The following ABCA8 variants were observed in gnomAD, a reference collection of about 807,000 sequenced individuals.
ABCA8 encodes the protein ATP binding cassette subfamily A member 8, also known as ABC-type organic anion transporter ABCA8.
In ABCA8, 177 loss-of-function variants were observed where a neutral mutation model predicts 192.3. That is an observed-to-expected ratio of 0.92 (90% confidence interval 0.81 to 1.04). The LOEUF (loss-of-function observed/expected upper bound fraction) is 1.04, where lower values mean the gene tolerates loss of function less well. Ranked by LOEUF, ABCA8 falls within the 50% of genes least tolerant of loss-of-function variation. ABCA8 has a pLI of 0.00. For synonymous variants in ABCA8, 642 were observed against 690.2 expected, an observed-to-expected ratio of 0.93 and a Z score of 1.09; for missense variants, 1,915 against 1,904.8, an observed-to-expected ratio of 1.01 and a Z score of -0.10.
At chr17:68,918,661 C>T (rs957616687) in intron 14 of ABCA8, 115 bp from the exon 15 acceptor site, 23 of 1,093,988 alleles carry the variant, frequency 2.1e-5, no homozygotes, top group South Asian at 9.3e-5. Flanking sequence ...GGGTCAGGCG[C>T]GGTGGCTCAT....
chr17:68,928,130 A>G, intron 9 of ABCA8, 67 bp from the exon 10 acceptor site: 2 of 1,319,278 alleles, frequency 1.5e-6, no homozygotes, highest in Non-Finnish European at 2.1e-6. Context: ...AGTTAGGTTT[A>G]GCATAGTAAT....
intron 4 of ABCA8, among the ~76,000 whole-genome samples, chr17:68,937,482 T>C (rs1056357323): frequency 6.6e-6 from 1 of 152,186 alleles, no homozygotes; most frequent in Non-Finnish European, 1.5e-5. Flanking sequence ...AGGCACTGTT[T>C]TGTATCAGGT....
chr17:68,937,152 T>G, intron 4 of ABCA8, 37 bp from the exon 5 acceptor site: 25 of 1,525,258 alleles, frequency 1.6e-5, no homozygotes, highest in Non-Finnish European at 2.1e-5. Context: ...GTTAGTAAAT[T>G]ACTAGGAGAC....
rs140877769 is a variant in ABCA8 at position 68,924,733 on chromosome 17, C to T, written c.1410G>A (p.Ala470=). 179 of 1,613,732 alleles carry T rather than the reference C, an allele frequency of 1.1e-4. No homozygotes were observed. The highest frequency in any genetic ancestry group is 1.0e-3 in the East Asian group (47 of 44,860). ...CTTCTTTCCCTTGGAATTCTGGAGGCGCTTGTTCAAAAGAGTCATGAAATG... is the reference window on the plus strand; with the variant it reads ...CTTCTTTCCCTTGGAATTCTGGAGGTGCTTGTTCAAAAGAGTCATGAAATG... ...DPSFHDSFEQ[A]PPEFQGKEAI... Residue 470 remains alanine (A), a synonymous_variant, in exon 11 of 40, where the codon GCG becomes GCA. Coordinates refer to ENST00000586539, the MANE Select transcript of ABCA8 (RefSeq NM_001288985.2).
chr17:68,881,764 C>T (rs1193460040), intron 31 of ABCA8, 99 bp downstream of exon 31: 1 of 785,634 alleles, frequency 1.3e-6, no homozygotes, highest in Non-Finnish European at 2.2e-6. Context: ...TCTGGGTCTG[C>T]ATGTGAACCA....
intron 37 of ABCA8, among the ~76,000 whole-genome samples, chr17:68,873,301 C>T (rs1355574605): frequency 6.6e-6 from 1 of 152,164 alleles, no homozygotes; most frequent in African/African-American, 2.4e-5. Context: ...ATAGGATATA[C>T]CATATAGCCT....
At chr17:68,931,559 A>T (rs909968476) in intron 7 of ABCA8, among the ~76,000 whole-genome samples, 7 of 152,074 alleles carry the variant, frequency 4.6e-5, no homozygotes, top group Non-Finnish European at 7.4e-5. Flanking sequence ...TAAAAAAGTC[A>T]ATATTATTCG....
chr17:68,908,318 T>C (rs1379665693), intron 17 of ABCA8, among the ~76,000 whole-genome samples: 1 of 152,170 alleles, frequency 6.6e-6, no homozygotes, highest in Admixed American at 6.6e-5. Flanking sequence ...ACAAGAGACT[T>C]GTGAGAAGTA....
At chr17:68,923,629 C>T (rs1273795299) in intron 11 of ABCA8, among the ~76,000 whole-genome samples, 2 of 152,170 alleles carry the variant, frequency 1.3e-5, no homozygotes, top group Non-Finnish European at 1.5e-5. Context: ...TCAAATAAAG[C>T]CACTGTTTTG....
chr17:68,875,177 C>T, intron 37 of ABCA8, 83 bp downstream of exon 37: 1 of 1,556,038 alleles, frequency 6.4e-7, no homozygotes, highest in Non-Finnish European at 8.7e-7. Context: ...TTTAGGTTTT[C>T]CTTTTGAATG....
At position 68,874,436 on chromosome 17, in the gene ABCA8, G is replaced by A. The variant is rs560940379; in HGVS notation, c.4631+824C>T. ...TATTTTGTTTCTCAGATAAATGTTT[G>A]TCTTTTCATCATTTGAAAATTAAGA... On this transcript the variant is annotated intron_variant, in intron 37 of 39. Coordinates refer to ENST00000586539, the MANE Select transcript of ABCA8 (RefSeq NM_001288985.2). Among the ~76,000 whole-genome samples the A allele has an allele frequency of 4.6e-5, 7 of 152,240 alleles. No homozygotes were observed. The East Asian group carries it at 1.4e-3, about 29-fold the overall frequency.
chr17:68,905,017 T>A (rs906659084), intron 19 of ABCA8, among the ~76,000 whole-genome samples: 16 of 152,334 alleles, frequency 1.1e-4, no homozygotes, highest in African/African-American at 3.6e-4. Context: ...CAAAGTCACG[T>A]CTAAGGGAAA....
Position 68,933,222 on chromosome 17 carries a change from A to G in ABCA8, c.516T>C (p.Phe172=), listed in dbSNP as rs2143710278. ...NEDVYCEVSV[F]WKEGFVALQA... The stretch of plus-strand genomic sequence containing the variant: ...GAAGAGCCACAAAACCTTCCTTCCA[A>G]AATACTGAAACTTCACAGTAAACAT... The change falls in exon 6 of 40, where the codon TTT becomes TTC. Residue 172 remains phenylalanine (F), a synonymous_variant. Transcript: ENST00000586539. 1 of 1,613,382 alleles carries G rather than the reference A, an allele frequency of 6.2e-7. No homozygotes were observed. Among genetic ancestry groups the G allele is most frequent in the Non-Finnish European group, 8.5e-7 (1 of 1,179,640 alleles).
At chr17:68,934,853 G>A (rs2068011142) in intron 5 of ABCA8, among the ~76,000 whole-genome samples, 1 of 152,072 alleles carries the variant, frequency 6.6e-6, no homozygotes, top group Non-Finnish European at 1.5e-5. Context: ...CAAATCTTAT[G>A]AACATGAAGT....
intron 30 of ABCA8, 68 bp downstream of exon 30, chr17:68,882,531 A>C: frequency 7.0e-7 from 1 of 1,421,496 alleles, no homozygotes; most frequent in Admixed American, 2.2e-5. Context: ...GGAACAGAGA[A>C]ACTCAAAATC....
intron 17 of ABCA8, among the ~76,000 whole-genome samples, chr17:68,915,645 G>A (rs1369130908): frequency 6.6e-6 from 1 of 152,088 alleles, no homozygotes; most frequent in Non-Finnish European, 1.5e-5. Flanking sequence ...GCAAGGATGT[G>A]GAGAAAAGGG....
chr17:68,903,411 G>A lies in ABCA8; in HGVS notation c.2487C>T (p.Asn829=), dbSNP rs553722908. The change falls in exon 20 of 40, where the codon AAC becomes AAT. Residue 829 remains asparagine (N), a synonymous_variant. Transcript: ENST00000586539. Reference sequence around the variant, plus strand: ...CACCACCTATTGTCTTTCTCATCTTGTTAAGTGAAGAGAGGACTTGTTCCA... The same window carrying A: ...CACCACCTATTGTCTTTCTCATCTTATTAAGTGAAGAGAGGACTTGTTCCA... ...VEMEQVLSSL[N]KMRKTIGGVA... The A allele has an allele frequency of 1.2e-6, 2 of 1,613,970 alleles. No individual in the cohort carries two copies. The highest frequency in any genetic ancestry group is 8.5e-7 in the Non-Finnish European group (1 of 1,180,000).
At position 68,887,387 on chromosome 17, in the gene ABCA8, G is replaced by T. The variant is rs1479358362; in HGVS notation, c.3264C>A (p.Ser1088Arg). The T allele has an allele frequency of 6.2e-7, 1 of 1,612,340 alleles. No homozygotes were observed. Among genetic ancestry groups the T allele is most frequent in the Admixed American group, 1.7e-5 (1 of 59,906 alleles). The stretch of plus-strand genomic sequence containing the variant: ...GCATGTCTTCGAAGTTTGAAATGTA[G>T]CTCATTAAATATATAAAAACGAAGA... ...FLVFVFIYLM[S>R]YISNFEDMLL... The change falls in exon 25 of 40, where the codon AGC becomes AGA. Residue 1088 changes from serine to arginine, a missense_variant. Coordinates refer to ENST00000586539, the MANE Select transcript of ABCA8 (RefSeq NM_001288985.2).
Position 68,895,001 on chromosome 17 carries a change from T to A in ABCA8, c.2777A>T (p.Asp926Val). The A allele has an allele frequency of 6.2e-7, 1 of 1,608,712 alleles. No individual in the cohort carries two copies. Among genetic ancestry groups the A allele is most frequent in the East Asian group, 2.2e-5 (1 of 44,748 alleles). ...GTGCTCCACAGACTGTATAAAGTCA[T>A]CAATGCTTGCCCCTAAGGTGTAGTT... The part of the protein sequence containing the change: ...LIINKTGASI[D>V]DFIQSVEHQN... Residue 926 changes from aspartate (D) to valine (V), a missense_variant, in exon 22 of 40, where the codon GAT (aspartate) becomes GTT (valine). By Grantham distance (152) the Asp-to-Val change is radical. Transcript: ENST00000586539.
Sources: gnomAD v4.1 joint callset for allele counts (sites outside exome capture counted in the v4.1 genomes callset) on GRCh38, gnomAD v4.1.1 for gene constraint, MANE v1.5 for transcripts, NCBI Gene and HGNC (gene_info 2026-07-23, HGNC 2026-07-21) for gene names.